Variants in SCFD2 observed in about 807,000 individuals in gnomAD.
The protein encoded by SCFD2 is sec1 family domain-containing protein 2.
Under a neutral mutation model 58.9 loss-of-function variants are expected in SCFD2, and 54 were observed. The ratio of observed to expected loss-of-function variants is 0.92; its 90% CI spans 0.74 to 1.15. The LOEUF (loss-of-function observed/expected upper bound fraction) is 1.15. Among genes scored for constraint, SCFD2 ranks in the 50% most tolerant of loss-of-function variants. The pLI is 0.00. For synonymous variants in SCFD2, 321 were observed against 335.9 expected (o/e 0.96, Z 0.49); for missense variants, 805 against 836.6 (o/e 0.96, Z 0.47).
intron 5 of SCFD2, among the ~76,000 whole-genome samples, chr4:52,970,197 T>C (rs899286491): frequency 5.3e-5 from 8 of 152,092 alleles, no homozygotes; most frequent in African/African-American, 1.9e-4. Context: ...GCATACCCAG[T>C]GTGAGCCAAA....
rs551523160 is a variant in SCFD2, at chr4:52,916,292, G to A, written c.1707+4433C>T. Among the ~76,000 whole-genome samples, 117 of 152,324 alleles carry A rather than the reference G, an allele frequency of 7.7e-4. 3 individuals carry two copies. The highest frequency in any genetic ancestry group is 5.6e-3 in the Admixed American group (85 of 15,306). Reference sequence around the variant, plus strand: ...AAGGGTAAGAAGACTTTCTGCGGCCGGGCGCAGTAGCTCATGCCTGTAATC... The same window carrying A: ...AAGGGTAAGAAGACTTTCTGCGGCCAGGCGCAGTAGCTCATGCCTGTAATC... On this transcript the variant is annotated intron_variant, in intron 6 of 8. Transcript: ENST00000401642.
Position 53,356,465 on chromosome 4 carries a change from G to A in SCFD2, c.839-3699C>T, listed in dbSNP as rs549816220. On this transcript the variant is annotated intron_variant, in intron 1 of 8. Coordinates refer to ENST00000401642, the MANE Select transcript of SCFD2 (RefSeq NM_152540.4). The stretch of plus-strand genomic sequence containing the variant: ...GAGAGAGACAAGGTCTTGCTCTGTT[G>A]CCCAGGCAGGAGTGCAGTGGCTCAA... Among the ~76,000 whole-genome samples the A allele has an allele frequency of 5.3e-5, 8 of 152,226 alleles. No individual in the cohort carries two copies. The South Asian group carries it at 1.7e-3, about 32-fold the overall frequency.
chr4:52,888,090 T>C (rs940062574), intron 7 of SCFD2, among the ~76,000 whole-genome samples: 1 of 151,744 alleles, frequency 6.6e-6, no homozygotes, highest in African/African-American at 2.4e-5. Flanking sequence ...TTTTGTATTT[T>C]TAGTAGAGAC....
At chr4:53,208,142 T>C (rs1728494785) in intron 4 of SCFD2, among the ~76,000 whole-genome samples, 1 of 151,680 alleles carries the variant, frequency 6.6e-6, no homozygotes. Flanking sequence ...TTTCTTTTTT[T>C]TTCTTTTTAT....
chr4:53,324,571 G>A (rs1047147227), intron 2 of SCFD2, among the ~76,000 whole-genome samples: 3 of 152,198 alleles, frequency 2.0e-5, no homozygotes, highest in Non-Finnish European at 2.9e-5. Flanking sequence ...TTGGTCAAGA[G>A]GCAGAGGGAA....
intron 5 of SCFD2, among the ~76,000 whole-genome samples, chr4:53,143,795 TACAC>T (rs113492027): frequency 4.1e-5 from 6 of 146,656 alleles, no homozygotes; most frequent in South Asian, 2.2e-4. Flanking sequence ...CACCTAAACA[TACAC>T]ACACACACAC....
chr4:53,145,041 A>G (rs180767305), intron 5 of SCFD2, among the ~76,000 whole-genome samples: 1 of 152,282 alleles, frequency 6.6e-6, no homozygotes, highest in East Asian at 1.9e-4. Flanking sequence ...TGCACATATG[A>G]GGGATCTAGG....
chr4:53,239,962 A>G (rs368159634), intron 4 of SCFD2, among the ~76,000 whole-genome samples: 1 of 152,320 alleles, frequency 6.6e-6, no homozygotes, highest in East Asian at 1.9e-4. Context: ...GAGAAAGTTC[A>G]GTGTTGCTGA....
At chr4:53,247,878 A>AAT (rs1370114354) in intron 4 of SCFD2, among the ~76,000 whole-genome samples, 1 of 150,986 alleles carries the variant, frequency 6.6e-6, no homozygotes, top group Non-Finnish European at 1.5e-5. Flanking sequence ...AAAAAAAAAA[A>AAT]AAAAAAAAAA....
At chr4:52,901,099 G>A (rs531346306) in intron 7 of SCFD2, among the ~76,000 whole-genome samples, 1 of 152,336 alleles carries the variant, frequency 6.6e-6, no homozygotes, top group East Asian at 1.9e-4. Flanking sequence ...CCCAGGTGAG[G>A]CGATGCCTCG....
At chr4:53,272,758 C>T (rs1282505507) in intron 4 of SCFD2, among the ~76,000 whole-genome samples, 1 of 151,846 alleles carries the variant, frequency 6.6e-6, no homozygotes, top group Non-Finnish European at 1.5e-5. Flanking sequence ...TGTTAAATGA[C>T]GTGAGTTAAT....
Position 53,352,717 on chromosome 4 carries a change from T to C in SCFD2, c.888A>G (p.Ala296=), listed in dbSNP as rs148659222. ...GDNLVEKIIS[A]LPQLPGHTND... is the part of the protein sequence containing the mutation. The stretch of plus-strand genomic sequence containing the variant: ...TTGTGTGGCCTGGGAGCTGGGGAAG[T>C]GCTGAAATGATCTTCTCTACTAAGT... Residue 296 remains alanine (A), a synonymous_variant, in exon 2 of 9, where the codon GCA becomes GCG. Coordinates refer to ENST00000401642, the MANE Select transcript of SCFD2 (RefSeq NM_152540.4). 4.3e-6 allele frequency: 7 copies of C among 1,613,962 alleles called. No homozygotes were observed. The highest frequency in any genetic ancestry group is 1.7e-5 in the Admixed American group (1 of 59,990).
At chr4:52,961,090 T>G (rs1720843110) in intron 5 of SCFD2, among the ~76,000 whole-genome samples, 1 of 152,154 alleles carries the variant, frequency 6.6e-6, no homozygotes, top group Non-Finnish European at 1.5e-5. Flanking sequence ...TTCTTTTGAT[T>G]CTGGCATATT....
intron 5 of SCFD2, among the ~76,000 whole-genome samples, chr4:53,096,340 T>C (rs1386999711): frequency 1.3e-5 from 2 of 152,206 alleles, no homozygotes; most frequent in Non-Finnish European, 2.9e-5. Flanking sequence ...ACCAACAGTG[T>C]CAAAGTGTTC....
intron 5 of SCFD2, among the ~76,000 whole-genome samples, chr4:53,130,744 C>T (rs887975956): frequency 2.0e-5 from 3 of 152,076 alleles, no homozygotes; most frequent in Admixed American, 6.5e-5. Context: ...GGTTGCTATT[C>T]TAGAATGACA....
chr4:52,886,215 T>G (rs1718737032), intron 7 of SCFD2, among the ~76,000 whole-genome samples: 1 of 152,188 alleles, frequency 6.6e-6, no homozygotes, highest in Non-Finnish European at 1.5e-5. Flanking sequence ...GTGACTTTGT[T>G]TTAGCCTTTT....
chr4:52,899,518 T>A (rs188679986), intron 7 of SCFD2, among the ~76,000 whole-genome samples: 2,075 of 152,272 alleles, frequency 0.014, 52 homozygotes, highest in African/African-American at 0.048. Context: ...CGGAGAGATC[T>A]GCTGTTAGTC....
intron 4 of SCFD2, among the ~76,000 whole-genome samples, chr4:53,261,056 G>C (rs1730813963): frequency 6.6e-6 from 1 of 152,210 alleles, no homozygotes; most frequent in Admixed American, 6.5e-5. Flanking sequence ...TATTTCTGTG[G>C]TATCAGTAGT....
chr4:53,235,791 GCATACGTGTGTGCATA>G (rs1464051186), intron 4 of SCFD2, among the ~76,000 whole-genome samples: 3 of 152,158 alleles, frequency 2.0e-5, no homozygotes, highest in Non-Finnish European at 4.4e-5. Flanking sequence ...GCGTGTGTGT[GCATACGTGTGTGCATA>G]CATACGTGTG....
Sources: gnomAD v4.1 joint callset for allele counts (sites outside exome capture counted in the v4.1 genomes callset) on GRCh38, gnomAD v4.1.1 for gene constraint, MANE v1.5 for transcripts, NCBI Gene and HGNC (gene_info 2026-07-23, HGNC 2026-07-21) for gene names.